SERPINA9: variants seen among roughly 807,000 people sequenced by gnomAD.
The protein encoded by SERPINA9 is serpin A9.
A neutral mutation model predicts 24.5 loss-of-function variants in SERPINA9; 32 were observed. The ratio of observed to expected loss-of-function variants is 1.30; its 90% confidence interval spans 0.98 to 1.75. SERPINA9 has a LOEUF of 1.75. Among genes scored for constraint, SERPINA9 ranks in the 40% most tolerant of loss-of-function variants. The pLI, the probability that SERPINA9 is intolerant of heterozygous loss-of-function variation, is 0.00. For missense variants in SERPINA9, 594 were observed against 497.1 expected (o/e 1.19, Z -1.85); for synonymous variants, 233 against 197.7 (o/e 1.18, Z -1.50).
rs149769987 is a variant in SERPINA9, at chr14:94,470,606, C to A, written c.-17-749G>T. On this transcript the variant is annotated intron_variant, in intron 1 of 4. Coordinates refer to ENST00000674397, the MANE Select transcript of SERPINA9 (RefSeq NM_175739.4). ...CCTGACATTCGTGGTGGACAAGTAA[C>A]CTCTCTGGACTTCTCTGTTTTGCCT... Among the ~76,000 whole-genome samples, 238 of 152,334 alleles carry A rather than the reference C, an allele frequency of 1.6e-3. 2 individuals are homozygous for A. Among genetic ancestry groups the A allele is most frequent in the African/African-American group, 5.3e-3 (221 of 41,576 alleles).
chr14:94,469,879 T>C lies in SERPINA9; in HGVS notation c.-17-22A>G, dbSNP rs550543909. On this transcript the variant is annotated intron_variant, in intron 1 of 4. Transcript: ENST00000674397. ...ATGTCTGCAAGAGAAGTAAGAACCATTGAGGGGGTAAACTGAGGGTCCAGG... is the reference window on the plus strand; with the variant it reads ...ATGTCTGCAAGAGAAGTAAGAACCACTGAGGGGGTAAACTGAGGGTCCAGG... 1.5e-5 allele frequency: 22 copies of C among 1,498,968 alleles called. No homozygotes were observed. The African/African-American group carries it at 2.4e-4, about 16-fold the overall frequency. 92.9% of individuals were successfully genotyped at this position (1,498,968 alleles called of 1,614,324 possible). A position where few individuals can be genotyped will look rare whatever the true frequency, so the allele number is the denominator to read the frequency against.
chr14:94,462,995 C>T lies in SERPINA9; in HGVS notation c.*98G>A. On this transcript the variant is annotated 3_prime_UTR_variant, in exon 5 of 5. Coordinates refer to ENST00000674397, the MANE Select transcript of SERPINA9 (RefSeq NM_175739.4). Reference sequence around the variant, plus strand: ...GCATCCCTGCCAGCGAATCCAGCTCCACTGGGGTCAAATGCACCCTCAGAA... The same window carrying T: ...GCATCCCTGCCAGCGAATCCAGCTCTACTGGGGTCAAATGCACCCTCAGAA... 1 of 1,064,090 alleles carries T rather than the reference C, an allele frequency of 9.4e-7. No individual in the cohort carries two copies. The highest frequency in any genetic ancestry group is 1.4e-6 in the Non-Finnish European group (1 of 694,244). 65.9% of individuals were successfully genotyped at this position (1,064,090 alleles called of 1,614,324 possible).
At chr14:94,464,308 T>TCTCTCTCTCTCTCTCTCTCTCTCTCC (rs1898888517) in intron 4 of SERPINA9, 5 of 84,350 alleles carry the variant, frequency 5.9e-5, no homozygotes, top group African/African-American at 1.9e-4. Flanking sequence ...TCTCTCTCTC[T>TCTCTCTCTCTCTCTCTCTCTCTCTCC]CTCTCTCTCT....
intron 1 of SERPINA9, among the ~76,000 whole-genome samples, chr14:94,474,706 AG>A (rs1466939685): frequency 1.3e-5 from 2 of 151,840 alleles, no homozygotes; most frequent in East Asian, 2.0e-4. Context: ...GCGTTCGGCC[AG>A]GGGGCACTGC....
chr14:94,473,776 G>A (rs575238918), intron 1 of SERPINA9, among the ~76,000 whole-genome samples: 2 of 152,210 alleles, frequency 1.3e-5, no homozygotes, highest in East Asian at 1.9e-4. Flanking sequence ...TGATCTTGAC[G>A]GCCACTCAGA....
chr14:94,470,643 A>G (rs1899266480), intron 1 of SERPINA9, among the ~76,000 whole-genome samples: 1 of 152,244 alleles, frequency 6.6e-6, no homozygotes, highest in Admixed American at 6.5e-5. Flanking sequence ...TGTAAAACAG[A>G]GATAGTTACC....
In SERPINA9 at chr14:94,469,224, A is replaced by G. The variant is rs1333154966; in HGVS notation, c.617T>C (p.Ile206Thr). The change falls in exon 2 of 5, where the codon ATT becomes ACT. Residue 206 changes from isoleucine to threonine, a missense_variant. Transcript: ENST00000674397. The stretch of plus-strand genomic sequence containing the variant: ...TCTCAAATCCTTACCTTTAAAGAAA[A>G]TGTGGTTCACCAGAACCATGGCCGT... ...LLTAMVLVNH[I>T]FFKAKWEKPF... is the part of the protein sequence containing the mutation. 1.2e-6 allele frequency: 2 copies of G among 1,609,084 alleles called. No homozygotes were observed. Among genetic ancestry groups the G allele is most frequent in the Admixed American group, 1.7e-5 (1 of 59,224 alleles).
chr14:94,463,314 A>G lies in SERPINA9; in HGVS notation c.1051-18T>C. The G allele has an allele frequency of 6.2e-7, 1 of 1,611,538 alleles. No homozygotes were observed. Reference sequence around the variant, plus strand: ...TGGGTTGCCTGCCAAGGGAAAAACAAACATCAGTGGCCCTAGTGGAGACAC... The same window carrying G: ...TGGGTTGCCTGCCAAGGGAAAAACAGACATCAGTGGCCCTAGTGGAGACAC... On this transcript the variant is annotated intron_variant, in intron 4 of 4. Transcript: ENST00000674397.
chr14:94,466,542 T>A (rs570232177), intron 3 of SERPINA9, among the ~76,000 whole-genome samples: 1 of 152,338 alleles, frequency 6.6e-6, no homozygotes, highest in East Asian at 1.9e-4. Flanking sequence ...ATTCCTTTTT[T>A]ATCTCATGAT....
At chr14:94,465,217 G>A (rs998871083) in intron 3 of SERPINA9, among the ~76,000 whole-genome samples, 1 of 152,148 alleles carries the variant, frequency 6.6e-6, no homozygotes, top group Admixed American at 6.5e-5. Context: ...ACTTCCTGAT[G>A]CAAGCCCTGC....
intron 3 of SERPINA9, among the ~76,000 whole-genome samples, chr14:94,465,151 T>C (rs1898943736): frequency 6.6e-6 from 1 of 152,146 alleles, no homozygotes; most frequent in African/African-American, 2.4e-5. Flanking sequence ...AGACGTCCAG[T>C]AGCAATGGAA....
chr14:94,469,179 T>C (rs559247918), intron 2 of SERPINA9, 34 bp downstream of exon 2: 4 of 1,554,870 alleles, frequency 2.6e-6, no homozygotes, highest in African/African-American at 2.7e-5. Flanking sequence ...CATCATAAAA[T>C]AAATAAATAA....
At chr14:94,475,142 C>T (rs1308826658) in intron 1 of SERPINA9, among the ~76,000 whole-genome samples, 2 of 152,150 alleles carry the variant, frequency 1.3e-5, no homozygotes, top group Non-Finnish European at 2.9e-5. Flanking sequence ...GTCTTCATGT[C>T]CCAGCCCTGT....
At chr14:94,475,975 T>C (rs1899622649) in intron 1 of SERPINA9, 161 bp downstream of exon 1, 26 of 1,026,806 alleles carry the variant, frequency 2.5e-5, no homozygotes, top group Middle Eastern at 3.0e-4. Flanking sequence ...TCCACAAAAA[T>C]GTGACCCAGA....
intron 1 of SERPINA9, among the ~76,000 whole-genome samples, chr14:94,474,220 AG>A (rs957914602): frequency 6.6e-6 from 1 of 152,170 alleles, no homozygotes; most frequent in Non-Finnish European, 1.5e-5. Flanking sequence ...GGTGGCTCTC[AG>A]GGGGCCCCCA....
At chr14:94,475,459 C>G (rs1038189302) in intron 1 of SERPINA9, among the ~76,000 whole-genome samples, 1 of 152,102 alleles carries the variant, frequency 6.6e-6, no homozygotes, top group Admixed American at 6.5e-5. Context: ...CACACACACA[C>G]ACACTGAGCA....
chr14:94,469,946 G>C, intron 1 of SERPINA9, 89 bp from the exon 2 acceptor site: 2 of 1,098,024 alleles, frequency 1.8e-6, no homozygotes, highest in Non-Finnish European at 2.6e-6. Flanking sequence ...GCCATCAGCA[G>C]CAGAATGAGG....
rs201925577 is a variant in SERPINA9 at position 94,469,568 on chromosome 14, C to G, written c.273G>C (p.Lys91Asn). 4.3e-6 allele frequency: 7 copies of G among 1,613,982 alleles called. No homozygotes were observed. The East Asian group carries it at 8.9e-5, about 21-fold the overall frequency. ...AGCCCAGGCCCTGGAGAATCTGGGT[C>G]TTGGTGACTGAGTGGGCCCCAAGGG... ...MLSLGAHSVTKTQILQGLGFN... is the reference protein window; with the variant it reads ...MLSLGAHSVTNTQILQGLGFN... The change falls in exon 2 of 5, where the codon AAG (lysine) becomes AAC (asparagine). Residue 91 changes from lysine to asparagine, a missense_variant. Physicochemically the swap from Lys to Asn is moderately conservative, Grantham distance 94. Coordinates refer to ENST00000674397, the MANE Select transcript of SERPINA9 (RefSeq NM_175739.4).
intron 4 of SERPINA9, chr14:94,464,313 CTCTCTCCT>C: frequency 4.6e-6 from 1 of 216,588 alleles, no homozygotes; most frequent in Non-Finnish European, 9.0e-6. Flanking sequence ...CTCTCTCTCT[CTCTCTCCT>C]TACACACTGA....
Sources: gnomAD v4.1 joint callset for allele counts (sites outside exome capture counted in the v4.1 genomes callset) on GRCh38, gnomAD v4.1.1 for gene constraint, MANE v1.5 for transcripts, NCBI Gene and HGNC (gene_info 2026-07-23, HGNC 2026-07-21) for gene names.